The following PCSK5 variants were observed in gnomAD, a reference collection of about 807,000 sequenced individuals.
PCSK5 encodes prohormone convertase 5.
PCSK5 carries 129 observed loss-of-function variants against 233.2 expected under a neutral mutation model. The ratio of observed to expected loss-of-function variants is 0.55; its 90% confidence interval spans 0.48 to 0.64. The LOEUF is 0.64. PCSK5 is among the 30% of genes least tolerant of loss of function. PCSK5 has a pLI of 0.00. For missense variants in PCSK5, 2,076 were observed against 2,430.1 expected (o/e 0.85, Z 3.06); for synonymous variants, 825 against 879.2 (o/e 0.94, Z 1.09).
chr9:76,156,634 G>A (rs1318050702), intron 10 of PCSK5, among the ~76,000 whole-genome samples: 1 of 152,202 alleles, frequency 6.6e-6, no homozygotes, highest in Non-Finnish European at 1.5e-5. Flanking sequence ...GGGCCCTGGA[G>A]AAAAACTACG....
chr9:76,189,025 G>A, intron 18 of PCSK5, 69 bp from the exon 19 acceptor site: 3 of 1,400,736 alleles, frequency 2.1e-6, no homozygotes, highest in Non-Finnish European at 2.0e-6. Context: ...AACTGTTAAA[G>A]AAGAAGCCCA....
At chr9:76,229,279 G>A (rs987010875) in intron 21 of PCSK5, among the ~76,000 whole-genome samples, 1 of 152,160 alleles carries the variant, frequency 6.6e-6, no homozygotes, top group Admixed American at 6.5e-5. Context: ...ATGCATGTTT[G>A]GACGTCTTTT....
At chr9:75,961,407 C>G (rs142657460) in intron 2 of PCSK5, among the ~76,000 whole-genome samples, 1 of 152,342 alleles carries the variant, frequency 6.6e-6, no homozygotes, top group East Asian at 1.9e-4. Context: ...TTTGTTCTCT[C>G]ATTTAATCAT....
At chr9:75,933,402 C>G (rs911217277) in intron 2 of PCSK5, among the ~76,000 whole-genome samples, 1 of 152,124 alleles carries the variant, frequency 6.6e-6, no homozygotes, top group Admixed American at 6.6e-5. Context: ...TTTTTCCCCT[C>G]CTTACGATTT....
chr9:75,934,079 C>T (rs1823937592), intron 2 of PCSK5, among the ~76,000 whole-genome samples: 1 of 152,166 alleles, frequency 6.6e-6, no homozygotes, highest in Admixed American at 6.5e-5. Context: ...TATCTCAGTG[C>T]ATCACATGGC....
intron 17 of PCSK5, among the ~76,000 whole-genome samples, chr9:76,185,518 G>C (rs980681418): frequency 6.6e-6 from 1 of 152,140 alleles, no homozygotes; most frequent in African/African-American, 2.4e-5. Flanking sequence ...GCAGTTTCCA[G>C]GCAGGTACAT....
chr9:76,328,047 A>T lies in PCSK5; in HGVS notation c.4378A>T (p.Thr1460Ser). The T allele has an allele frequency of 1.9e-6, 3 of 1,612,772 alleles. No homozygotes were observed. The highest frequency in any genetic ancestry group is 2.5e-6 in the Non-Finnish European group (3 of 1,179,796). Residue 1460 changes from threonine to serine, a missense_variant, in exon 33 of 38, where the codon ACC becomes TCC. By Grantham distance (58) the Thr-to-Ser change is moderately conservative. Coordinates refer to ENST00000674117, the MANE Select transcript of PCSK5 (RefSeq NM_001372043.1). ...KSCLTCSSSG[T>S]CTTCQKGLIM... The stretch of plus-strand genomic sequence containing the variant: ...CTGCTTGACCTGCTCATCATCTGGG[A>T]CCTGCACCACCTGTCAGAAAGGCCT...
chr9:75,929,368 A>T (rs1823671292), intron 1 of PCSK5, among the ~76,000 whole-genome samples: 2 of 151,770 alleles, frequency 1.3e-5, no homozygotes, highest in African/African-American at 4.9e-5. Context: ...ATATGGGCTG[A>T]TGGGGACACA....
At position 76,296,680 on chromosome 9, in the gene PCSK5, G is replaced by A; in HGVS notation, c.3338G>A (p.Arg1113Lys). ...TCTCACATAGGTGGCAGTTGTGTGA[G>A]GAAATGTGGTCCTGGATTCTATGGT... The part of the protein sequence containing the change: ...GFFLLGGSCV[R>K]KCGPGFYGDQ... The change falls in exon 27 of 38, where the codon AGG becomes AAG. Residue 1113 changes from arginine (R) to lysine (K), a missense_variant. Physicochemically the swap from Arg to Lys is conservative, Grantham distance 26. Transcript: ENST00000674117. 1 of 1,611,470 alleles carries A rather than the reference G, an allele frequency of 6.2e-7. No homozygotes were observed.
chr9:76,311,365 A>AG (rs961076220), intron 30 of PCSK5, among the ~76,000 whole-genome samples: 6 of 152,028 alleles, frequency 3.9e-5, no homozygotes, highest in Non-Finnish European at 7.4e-5. Flanking sequence ...AAAAAAAAAA[A>AG]AATTATTTTC....
chr9:76,138,190 G>A (rs1410280141), intron 10 of PCSK5, among the ~76,000 whole-genome samples: 1 of 152,032 alleles, frequency 6.6e-6, no homozygotes, highest in African/African-American at 2.4e-5. Flanking sequence ...ACCTGCCCTG[G>A]TGTAACTTAC....
intron 37 of PCSK5, among the ~76,000 whole-genome samples, chr9:76,358,309 C>T (rs1482735713): frequency 1.3e-5 from 2 of 151,912 alleles, no homozygotes; most frequent in Non-Finnish European, 2.9e-5. Flanking sequence ...AGTTTGAGAC[C>T]AGCCAGGGCA....
At chr9:76,339,136 C>T (rs889456950) in intron 35 of PCSK5, among the ~76,000 whole-genome samples, 1 of 151,900 alleles carries the variant, frequency 6.6e-6, no homozygotes, top group African/African-American at 2.4e-5. Flanking sequence ...TATACTAATG[C>T]CAGAGTGATT....
intron 1 of PCSK5, among the ~76,000 whole-genome samples, chr9:75,909,568 G>T (rs944798452): frequency 6.6e-6 from 1 of 151,860 alleles, no homozygotes; most frequent in African/African-American, 2.4e-5. Flanking sequence ...GGTGGTGGGT[G>T]CCTGTAATTC....
rs533067174 is a variant in PCSK5 at position 76,040,688 on chromosome 9, A to G, written c.632+13651A>G. ...AAACCCATGTTCCTTGTATCATAAT[A>G]CACTCTAATTTGGAGCAGGACCCTA... On this transcript the variant is annotated intron_variant, in intron 5 of 37. Transcript: ENST00000674117. Among the ~76,000 whole-genome samples the G allele has an allele frequency of 2.0e-5, 3 of 152,282 alleles. No homozygotes were observed. The East Asian group carries it at 5.8e-4, about 29-fold the overall frequency.
chr9:76,071,886 C>T lies in PCSK5; in HGVS notation c.882C>T (p.Asn294=), dbSNP rs765027695. 53 of 1,613,804 alleles carry T rather than the reference C, an allele frequency of 3.3e-5. No individual in the cohort carries two copies. Among genetic ancestry groups the T allele is most frequent in the Non-Finnish European group, 3.8e-5 (45 of 1,179,934 alleles). ...CCCTCACCCGGCAAGCCTTTGAAAACGGCGTTAGAATGGTAGGTTTTAAAA... is the reference window on the plus strand; with the variant it reads ...CCCTCACCCGGCAAGCCTTTGAAAATGGCGTTAGAATGGTAGGTTTTAAAA... The part of the protein sequence containing the change: ...PAPLTRQAFE[N]GVRMGRRGLG... The change falls in exon 7 of 38, where the codon AAC becomes AAT. Residue 294 remains asparagine, a synonymous_variant. Transcript: ENST00000674117.
At chr9:76,027,155 C>A in intron 5 of PCSK5, 118 bp downstream of exon 5, 1 of 604,462 alleles carries the variant, frequency 1.7e-6, no homozygotes. Flanking sequence ...TAATTTGCTC[C>A]AAGATTAACA....
intron 2 of PCSK5, among the ~76,000 whole-genome samples, chr9:75,947,173 C>A (rs1042574683): frequency 4.6e-5 from 7 of 152,106 alleles, no homozygotes; most frequent in African/African-American, 1.4e-4. Context: ...TTCCAAATAG[C>A]AAAACATTGT....
intron 1 of PCSK5, among the ~76,000 whole-genome samples, chr9:75,892,395 C>G (rs545384278): frequency 6.6e-6 from 1 of 152,328 alleles, no homozygotes; most frequent in Non-Finnish European, 1.5e-5. Flanking sequence ...CCAGAAAGTA[C>G]CCCCCTCCAC....
Sources: allele counts gnomAD v4.1 joint callset (sites outside exome capture counted in the v4.1 genomes callset), GRCh38; gene constraint gnomAD v4.1.1; transcripts MANE v1.5; gene names NCBI Gene and HGNC (gene_info 2026-07-23, HGNC 2026-07-21).